HNF4A: variants seen among roughly 807,000 people sequenced by gnomAD.
The protein encoded by HNF4A is hepatocyte nuclear factor 4-alpha.
Under a neutral mutation model 52.4 loss-of-function variants are expected in HNF4A, and 15 were observed. The observed-to-expected ratio is 0.29, with a 90% CI of 0.19 to 0.44. HNF4A has a LOEUF of 0.44. HNF4A is among the 20% of genes least tolerant of loss of function. The pLI, the probability that HNF4A is intolerant of heterozygous loss-of-function variation, is 1.00. For synonymous variants in HNF4A, 280 were observed against 264.4 expected (o/e 1.06, Z -0.57); for missense variants, 479 against 647.2 (o/e 0.74, Z 2.82).
At chr20:44,373,012 G>T (rs1303302207) in intron 1 of HNF4A, 1 of 152,192 alleles carries the variant, frequency 6.6e-6, no homozygotes, top group East Asian at 1.9e-4. Flanking sequence ...CTCCTCATCT[G>T]TAAAATAAGG....
At position 44,385,057 on chromosome 20, in the gene HNF4A, A is replaced by ATTTTTTTTTTTTTT. The variant is rs1491454694; in HGVS notation, c.50-21000_50-20999insTTTTTTTTTTTTTT. Among the ~76,000 whole-genome samples, 12 of 29,934 alleles carry ATTTTTTTTTTTTTT rather than the reference A, an allele frequency of 4.0e-4. 1 individual carries two copies. Among genetic ancestry groups the ATTTTTTTTTTTTTT allele is most frequent in the South Asian group, 2.4e-3 (1 of 424 alleles). The allele number at this position is 29,934 out of a possible 152,430, so 19.6% of individuals were successfully genotyped here. A position where few individuals can be genotyped will look rare whatever the true frequency, so the allele number is the denominator to read the frequency against. ...TAAGTGGTTTCAGCTGAACTCTGTG[A>ATTTTTTTTTTTTTT]TCTTTTTTTTTTTTTTTTTTTTTTT... On this transcript the variant is annotated intron_variant, in intron 1 of 9. Coordinates refer to the HNF4A transcript ENST00000316673.
Position 44,429,885 on chromosome 20 carries a change from C to T in HNF4A, c.*220C>T. The T allele has an allele frequency of 3.4e-6, 2 of 583,512 alleles. No homozygotes were observed. Among genetic ancestry groups the T allele is most frequent in the Non-Finnish European group, 3.0e-6 (1 of 328,894 alleles). 36.1% of individuals were successfully genotyped at this position (583,512 alleles called of 1,614,324 possible). A position where few individuals can be genotyped will look rare whatever the true frequency, so the allele number is the denominator to read the frequency against. On this transcript the variant is annotated 3_prime_UTR_variant, in exon 10 of 10. Transcript: ENST00000316099. ...ACAAGACTTTGACTTGGGGAGACCT[C>T]TACTGCCTTGGACAACTTTTCTCAT...
At position 44,407,494 on chromosome 20, in the gene HNF4A, C is replaced by G. The variant is rs112386711; in HGVS notation, c.385+19C>G. 1.3e-6 allele frequency: 2 copies of G among 1,527,024 alleles called. No individual in the cohort carries two copies. The highest frequency in any genetic ancestry group is 1.8e-5 in the Admixed American group (1 of 54,410). The allele number at this position is 1,527,024 out of a possible 1,614,324, so 94.6% of individuals were successfully genotyped here. On this transcript the variant is annotated intron_variant, in intron 3 of 9. Coordinates refer to ENST00000316099, the MANE Select transcript of HNF4A (RefSeq NM_000457.6). ...AAGGAAGGTGAGCCTCGGCCCTCCC[C>G]GCCCCACCACCACTGCCCCACCTGC...
chr20:44,401,182 C>T, upstream of HNF4A: 1 of 1,470,756 alleles, frequency 6.8e-7, no homozygotes, highest in East Asian at 2.5e-5. Context: ...CATTAACCCC[C>T]ACCCCTCCCC....
intron 1 of HNF4A, among the ~76,000 whole-genome samples, chr20:44,380,770 G>A (rs1035450794): frequency 6.6e-6 from 1 of 152,114 alleles, no homozygotes; most frequent in African/African-American, 2.4e-5. Flanking sequence ...TAATTTTGAT[G>A]TAGTCCAATT....
chr20:44,382,539 G>A (rs751864600), intron 1 of HNF4A, among the ~76,000 whole-genome samples: 22 of 151,868 alleles, frequency 1.4e-4, no homozygotes, highest in African/African-American at 2.9e-4. Context: ...GCTGCACTCG[G>A]CCTAAGGGGC....
intron 3 of HNF4A, among the ~76,000 whole-genome samples, chr20:44,411,479 C>T (rs906944021): frequency 2.6e-5 from 4 of 151,244 alleles, no homozygotes; most frequent in Non-Finnish European, 5.9e-5. Context: ...GGCCACTCGG[C>T]GCCCTGATGG....
chr20:44,412,496 G>C (rs1285825137), intron 3 of HNF4A, among the ~76,000 whole-genome samples: 3 of 152,176 alleles, frequency 2.0e-5, no homozygotes, highest in African/African-American at 4.8e-5. Context: ...TTCGCGGACA[G>C]AGTGTGTAGG....
chr20:44,418,636 GTCCTCA>G, intron 6 of HNF4A, 124 bp downstream of exon 6: 5 of 737,758 alleles, frequency 6.8e-6, no homozygotes, highest in Non-Finnish European at 1.2e-5. Context: ...GAGTGGCCCT[GTCCTCA>G]GGCTTGCATT....
chr20:44,365,287 G>A (rs2062959333), intron 1 of HNF4A, among the ~76,000 whole-genome samples: 1 of 151,852 alleles, frequency 6.6e-6, no homozygotes, highest in Non-Finnish European at 1.5e-5. Flanking sequence ...TTCCATCTAA[G>A]CCTCCCAAGT....
rs1424906091 is a variant in HNF4A at position 44,429,997 on chromosome 20, G to A, written c.*332G>A. On this transcript the variant is annotated 3_prime_UTR_variant, in exon 10 of 10. Transcript: ENST00000316099. ...GGACAGCCGCCTGGAGATGACTTGA[G>A]GCCTTACTTAAACCCAGCTCCCTTC... 9 of 336,332 alleles carry A rather than the reference G, an allele frequency of 2.7e-5. No homozygotes were observed. Among genetic ancestry groups the A allele is most frequent in the Non-Finnish European group, 4.4e-5 (8 of 181,402 alleles). The allele number at this position is 336,332 out of a possible 1,614,324, so 20.8% of individuals were successfully genotyped here.
At chr20:44,400,010 G>C (rs1052452272), upstream of HNF4A, among the ~76,000 whole-genome samples, 13 of 152,176 alleles carry the variant, frequency 8.5e-5, no homozygotes, top group African/African-American at 3.1e-4. Flanking sequence ...TACTTCCCCA[G>C]ATTGATTGGC....
rs955851712 is a variant in HNF4A, at chr20:44,405,992, A to G, written c.116-66A>G. ...GCCGAAGCCCTGGAGAGATCCCCGC[A>G]AGGCTCCCTTAGATGCCTGACATTC... On this transcript the variant is annotated intron_variant, in intron 1 of 9. Transcript: ENST00000316099. 1.4e-5 allele frequency: 21 copies of G among 1,490,484 alleles called. 1 individual carries two copies. In the South Asian group the frequency reaches 1.6e-4, roughly 11 times the overall value. The allele number at this position is 1,490,484 out of a possible 1,614,324, so 92.3% of individuals were successfully genotyped here. A position where few individuals can be genotyped will look rare whatever the true frequency, so the allele number is the denominator to read the frequency against.
chr20:44,382,029 T>C (rs1174985970), intron 1 of HNF4A, among the ~76,000 whole-genome samples: 1 of 152,246 alleles, frequency 6.6e-6, no homozygotes, highest in Non-Finnish European at 1.5e-5. Context: ...CTATCATTGA[T>C]TCCTATTTTA....
intron 7 of HNF4A, among the ~76,000 whole-genome samples, chr20:44,421,769 ATG>A (rs2063747802): frequency 1.4e-5 from 2 of 145,956 alleles, no homozygotes; most frequent in Non-Finnish European, 3.0e-5. Flanking sequence ...AAATACATAT[ATG>A]TGTATATATA....
At chr20:44,391,745 G>A (rs1242174000) in intron 1 of HNF4A, among the ~76,000 whole-genome samples, 3 of 152,194 alleles carry the variant, frequency 2.0e-5, no homozygotes, top group African/African-American at 4.8e-5. Context: ...AACAGTGTAA[G>A]AGCAGAGGCT....
upstream of HNF4A, among the ~76,000 whole-genome samples, chr20:44,398,749 C>A (rs1271183553): frequency 6.6e-6 from 1 of 152,180 alleles, no homozygotes; most frequent in East Asian, 1.9e-4. Context: ...CACCTAGTAG[C>A]TCTTGGATAT....
rs189502114 is a variant in HNF4A, at chr20:44,368,464, G to A, written c.49+12611G>A. On this transcript the variant is annotated intron_variant, in intron 1 of 9. Coordinates refer to the HNF4A transcript ENST00000316673. ...TTATAAGTGTGAGCCACCAGGCCCT[G>A]CCAGGAAGATGGGTTTTATTTGAAC... is the stretch of plus-strand genomic sequence containing the variant. Among the ~76,000 whole-genome samples the A allele has an allele frequency of 3.1e-3, 466 of 151,942 alleles. 3 individuals are homozygous for A. The highest frequency in any genetic ancestry group is 1.0e-2 in the South Asian group (48 of 4,814).
Position 44,430,125 on chromosome 20 carries a change from CCTT to C in HNF4A, c.*463_*465del, listed in dbSNP as rs2063861253. Reference sequence around the variant, plus strand: ...GTGGCACTTGGGGCACCTTGCTCCTCCTTCTGCTGCTGCCCCCACCTCTGCTGC... The same window carrying C: ...GTGGCACTTGGGGCACCTTGCTCCTCCTGCTGCTGCCCCCACCTCTGCTGC... On this transcript the variant is annotated 3_prime_UTR_variant, in exon 10 of 10. Transcript: ENST00000316099. 2 of 162,688 alleles carry C rather than the reference CCTT, an allele frequency of 1.2e-5. No homozygotes were observed. The highest frequency in any genetic ancestry group is 4.8e-5 in the African/African-American group (2 of 41,596). 10.1% of individuals were successfully genotyped at this position (162,688 alleles called of 1,614,324 possible).
Sources: allele counts gnomAD v4.1 joint callset (sites outside exome capture counted in the v4.1 genomes callset), GRCh38; gene constraint gnomAD v4.1.1; transcripts MANE v1.5; gene names NCBI Gene and HGNC (gene_info 2026-07-23, HGNC 2026-07-21).